The following MAP2 variants were observed in gnomAD, a reference collection of about 807,000 sequenced individuals.
MAP2 encodes the protein microtubule-associated protein 2.
A neutral mutation model predicts 137.6 loss-of-function variants in MAP2; 14 were observed. The observed-to-expected ratio is 0.10, with a 90% CI of 0.07 to 0.16. MAP2 has a LOEUF of 0.16. Among genes scored for constraint, MAP2 ranks in the 10% least tolerant of loss-of-function variants. The probability of loss-of-function intolerance (pLI) is 1.00; values close to 1 mark genes in which losing one functional copy is unlikely to be tolerated. For synonymous variants in MAP2, 786 were observed against 782.3 expected (o/e 1.00, Z -0.08); for missense variants, 2,088 against 2,191.5 (o/e 0.95, Z 0.94).
chr2:209,648,755 C>G (rs1185383335), intron 4 of MAP2, among the ~76,000 whole-genome samples: 2 of 146,986 alleles, frequency 1.4e-5, no homozygotes, highest in Non-Finnish European at 3.0e-5. Context: ...CACCACTGCA[C>G]TCTAGCCTGG....
In MAP2 at chr2:209,653,234, G is replaced by A; in HGVS notation, c.64G>A (p.Ala22Thr). 6.2e-7 allele frequency: 1 copy of A among 1,614,024 alleles called. No homozygotes were observed. Among genetic ancestry groups the A allele is most frequent in the Non-Finnish European group, 8.5e-7 (1 of 1,179,964 alleles). Residue 22 changes from alanine to threonine, a missense_variant, in exon 5 of 16, where the codon GCA becomes ACA. Around this residue, in one of 6 missense-constraint regions of MAP2, gnomAD observed 859 missense variants for 794.5 expected, o/e 1.08. Transcript: ENST00000682079. ...CTGGACCTCAGCACCGCTAACAGAGGCATCTGCACACTCACATCCACCTGA... is the reference window on the plus strand; with the variant it reads ...CTGGACCTCAGCACCGCTAACAGAGACATCTGCACACTCACATCCACCTGA... ...PHWTSAPLTE[A>T]SAHSHPPEIK...
intron 2 of MAP2, among the ~76,000 whole-genome samples, chr2:209,557,508 C>T (rs2070969951): frequency 6.6e-6 from 1 of 152,098 alleles, no homozygotes; most frequent in Admixed American, 6.6e-5. Context: ...TGTGGAGGCT[C>T]TTGTCCAGTA....
In MAP2 at chr2:209,635,670, AT is replaced by A. The variant is rs200673356; in HGVS notation, c.-30+10544del. On this transcript the variant is annotated intron_variant, in intron 4 of 15. Transcript: ENST00000682079. Reference sequence around the variant, plus strand: ...GTTGGATAAATATTCTACAAAATCAATTTATCTGCTAAAAAAATTCTATAAT... The same window carrying A: ...GTTGGATAAATATTCTACAAAATCAATTATCTGCTAAAAAAATTCTATAAT... 9.0e-3 allele frequency among the ~76,000 whole-genome samples: 1,262 copies of A among 140,382 alleles called. 19 individuals are homozygous for A. Among genetic ancestry groups the A allele is most frequent in the African/African-American group, 0.037 (1,187 of 31,692 alleles). The allele number at this position is 140,382 out of a possible 152,430, so 92.1% of individuals were successfully genotyped here.
At chr2:209,669,401 G>A (rs909991353) in intron 5 of MAP2, among the ~76,000 whole-genome samples, 2 of 152,008 alleles carry the variant, frequency 1.3e-5, no homozygotes, top group Non-Finnish European at 2.9e-5. Context: ...TTATGTTGGG[G>A]ATGAGAGAGA....
rs2059386114 is a variant in MAP2, at chr2:209,693,180, C to T, written c.1010C>T (p.Thr337Ile). The T allele has an allele frequency of 1.9e-6, 3 of 1,610,922 alleles. No individual in the cohort carries two copies. The highest frequency in any genetic ancestry group is 2.5e-6 in the Non-Finnish European group (3 of 1,179,112). ...DVMKNEIVTE[T>I]SPFAPAFLQP... ...ATGAAGAATGAAATAGTTACAGAAA[C>T]ATCGCCCTTTGCCCCTGCCTTTTTA... Residue 337 changes from threonine to isoleucine, a missense_variant, in exon 8 of 16, where the codon ACA becomes ATA. Thr to Ile is a moderately conservative substitution (Grantham distance 89). Transcript: ENST00000682079.
At chr2:209,624,272 G>T (rs186881695) in intron 3 of MAP2, among the ~76,000 whole-genome samples, 9 of 152,200 alleles carry the variant, frequency 5.9e-5, no homozygotes, top group Admixed American at 2.0e-4. Flanking sequence ...CTGACAAAAC[G>T]CATGGAGATA....
Position 209,653,318 on chromosome 2 carries a change from T to A in MAP2, c.148T>A (p.Tyr50Asn). ...TGTCCGAAGCGCCAATGGATTCCCA[T>A]ACAGGGAGGATGAAGAGGGTGCCTT... is the stretch of plus-strand genomic sequence containing the variant. Reference protein sequence around the residue: ...GLVRSANGFPYREDEEGAFGE... With the variant: ...GLVRSANGFPNREDEEGAFGE... The change falls in exon 5 of 16, where the codon TAC becomes AAC. Residue 50 changes from tyrosine to asparagine, a missense_variant. Tyr to Asn is a moderately radical substitution (Grantham distance 143, BLOSUM62 -2). This residue lies in a region of MAP2 where 859 missense variants were observed against 794.5 expected (regional missense o/e 1.08). Coordinates refer to ENST00000682079, the MANE Select transcript of MAP2 (RefSeq NM_001375505.1). 1 of 1,614,114 alleles carries A rather than the reference T, an allele frequency of 6.2e-7. No individual in the cohort carries two copies. The highest frequency in any genetic ancestry group is 8.5e-7 in the Non-Finnish European group (1 of 1,179,990).
intron 10 of MAP2, among the ~76,000 whole-genome samples, chr2:209,697,265 A>G (rs900957374): frequency 2.0e-5 from 3 of 152,170 alleles, no homozygotes; most frequent in Non-Finnish European, 4.4e-5. Flanking sequence ...ATGCTCAGAC[A>G]TAACAGTGCG....
chr2:209,521,482 G>T (rs1488396210), intron 2 of MAP2, among the ~76,000 whole-genome samples: 1 of 151,700 alleles, frequency 6.6e-6, no homozygotes, highest in African/African-American at 2.4e-5. Context: ...AGTTTGATTG[G>T]ATTGTAACCC....
chr2:209,464,658 T>G (rs1002068287), intron 1 of MAP2, among the ~76,000 whole-genome samples: 16 of 152,080 alleles, frequency 1.1e-4, no homozygotes, highest in African/African-American at 3.9e-4. Context: ...AGTAACACAT[T>G]AATAATAAAA....
chr2:209,707,351 A>G (rs1472173300), intron 12 of MAP2, among the ~76,000 whole-genome samples: 3 of 152,162 alleles, frequency 2.0e-5, no homozygotes, highest in Non-Finnish European at 4.4e-5. Flanking sequence ...ATTTTAAAAC[A>G]TAGGATCTGT....
chr2:209,507,310 A>G (rs1401725615), intron 1 of MAP2, among the ~76,000 whole-genome samples: 1 of 152,188 alleles, frequency 6.6e-6, no homozygotes, highest in Non-Finnish European at 1.5e-5. Context: ...TTGTTTTAGA[A>G]TATAAACATA....
chr2:209,508,108 G>A (rs1189395199), intron 2 of MAP2, among the ~76,000 whole-genome samples: 1 of 151,990 alleles, frequency 6.6e-6, no homozygotes. Context: ...AGTTAGCAGA[G>A]TGTTAAGATG....
intron 1 of MAP2, among the ~76,000 whole-genome samples, chr2:209,447,162 T>C (rs760828909): frequency 1.3e-5 from 2 of 152,040 alleles, no homozygotes; most frequent in East Asian, 1.9e-4. Context: ...TGTGGCCTTC[T>C]TTGGTGCCTG....
At chr2:209,642,757 A>G (rs1559468827) in intron 4 of MAP2, among the ~76,000 whole-genome samples, 2 of 152,192 alleles carry the variant, frequency 1.3e-5, no homozygotes, top group Non-Finnish European at 2.9e-5. Flanking sequence ...TCATGTTATC[A>G]AGAACCTTTT....
intron 13 of MAP2, among the ~76,000 whole-genome samples, chr2:209,712,703 C>T (rs926868541): frequency 6.6e-6 from 1 of 152,116 alleles, no homozygotes; most frequent in African/African-American, 2.4e-5. Flanking sequence ...TAAAAGCCTC[C>T]TTACAGTGTG....
intron 13 of MAP2, among the ~76,000 whole-genome samples, chr2:209,719,875 G>C (rs1384487913): frequency 2.0e-5 from 3 of 152,136 alleles, no homozygotes; most frequent in Admixed American, 2.0e-4. Flanking sequence ...AACTATTTGT[G>C]CAAATAAATC....
At chr2:209,575,652 G>C (rs1259447371) in intron 2 of MAP2, among the ~76,000 whole-genome samples, 1 of 150,884 alleles carries the variant, frequency 6.6e-6, no homozygotes, top group Non-Finnish European at 1.5e-5. Context: ...AACTTCTCTT[G>C]TGTTTAGACA....
intron 2 of MAP2, among the ~76,000 whole-genome samples, chr2:209,537,272 T>C (rs1365451715): frequency 6.6e-6 from 1 of 152,182 alleles, no homozygotes; most frequent in East Asian, 1.9e-4. Flanking sequence ...GATGTTACTA[T>C]AGTAATTATT....
Sources: allele counts gnomAD v4.1 joint callset (sites outside exome capture counted in the v4.1 genomes callset), GRCh38; gene constraint gnomAD v4.1.1; regional missense constraint gnomAD v4.1.1; transcripts MANE v1.5; gene names NCBI Gene and HGNC (gene_info 2026-07-23, HGNC 2026-07-21).